The following ZNF148 variants were observed in gnomAD, a reference collection of about 807,000 sequenced individuals.
ZNF148 encodes the protein Beta-Enolase Repressor Factor-1.
In ZNF148, 7 loss-of-function variants were observed where a neutral mutation model predicts 67.7. The observed-to-expected ratio is 0.10, with a 90% confidence interval of 0.06 to 0.19. ZNF148 has a LOEUF of 0.19. ZNF148 is among the 10% of genes least tolerant of loss of function. The pLI is 1.00. For missense variants in ZNF148, 583 were observed against 947.1 expected (o/e 0.62, Z 5.05); for synonymous variants, 333 against 330.7 (o/e 1.01, Z -0.08).
At chr3:125,358,270 G>A (rs1942429204) in intron 1 of ZNF148, among the ~76,000 whole-genome samples, 1 of 151,812 alleles carries the variant, frequency 6.6e-6, no homozygotes, top group Non-Finnish European at 1.5e-5. Flanking sequence ...GCGTGATAAC[G>A]CCACTGCACT....
intron 7 of ZNF148, among the ~76,000 whole-genome samples, chr3:125,250,333 G>A (rs1397935846): frequency 6.6e-6 from 1 of 152,086 alleles, no homozygotes; most frequent in Non-Finnish European, 1.5e-5. Context: ...ATCCTCACCA[G>A]GTGATGAAAG....
intron 4 of ZNF148, among the ~76,000 whole-genome samples, chr3:125,290,681 C>T (rs1938961501): frequency 6.6e-6 from 1 of 151,960 alleles, no homozygotes; most frequent in Non-Finnish European, 1.5e-5. Context: ...GTGCAAAGTG[C>T]CATTCTAGAT....
chr3:125,276,647 T>C (rs1938091388), intron 7 of ZNF148, among the ~76,000 whole-genome samples: 2 of 152,072 alleles, frequency 1.3e-5, no homozygotes, highest in Admixed American at 6.5e-5. Context: ...TTGGTCAGGC[T>C]GGTATCGAAC....
intron 3 of ZNF148, among the ~76,000 whole-genome samples, chr3:125,320,488 C>T (rs537143138): frequency 4.6e-5 from 7 of 152,232 alleles, no homozygotes; most frequent in Admixed American, 1.3e-4. Context: ...AGAGATCCTA[C>T]GTTTCTGTTT....
At chr3:125,298,618 ATTTTTTTTTTTT>A (rs11312460) in intron 4 of ZNF148, among the ~76,000 whole-genome samples, 2 of 102,636 alleles carry the variant, frequency 1.9e-5, no homozygotes, top group African/African-American at 8.5e-5. Flanking sequence ...TTTATATTAA[ATTTTTTTTTTTT>A]TTTTTTTTTT....
chr3:125,363,632 C>A (rs1309827929), intron 1 of ZNF148, among the ~76,000 whole-genome samples: 1 of 151,936 alleles, frequency 6.6e-6, no homozygotes, highest in Non-Finnish European at 1.5e-5. Context: ...TATGACTACC[C>A]AACTTATACC....
chr3:125,273,482 T>G (rs768080838), intron 7 of ZNF148, among the ~76,000 whole-genome samples: 2 of 147,332 alleles, frequency 1.4e-5, no homozygotes, highest in Non-Finnish European at 3.0e-5. Context: ...AAAATCTCTT[T>G]TTTTTGGGAA....
intron 7 of ZNF148, among the ~76,000 whole-genome samples, chr3:125,252,014 T>C (rs1456990984): frequency 6.6e-6 from 1 of 152,222 alleles, no homozygotes; most frequent in Non-Finnish European, 1.5e-5. Context: ...AGTACAGTTT[T>C]ATGTAATTTT....
At chr3:125,370,621 A>G (rs942660077) in intron 1 of ZNF148, among the ~76,000 whole-genome samples, 1 of 152,228 alleles carries the variant, frequency 6.6e-6, no homozygotes, top group Non-Finnish European at 1.5e-5. Flanking sequence ...AAGAGTTGCC[A>G]TTACTTAGAC....
In ZNF148 at chr3:125,233,655, A is replaced by G. The variant is rs748762752; in HGVS notation, c.1071T>C (p.Asp357=). The part of the protein sequence containing the change: ...PLYSSSTKVK[D]EYMVAEYAVE... ...CAGCATATTCTGCAACCATATACTC[A>G]TCTTTTACTTTAGTACTTGAAGAAT... The change falls in exon 9 of 9, where the codon GAT becomes GAC. Residue 357 remains aspartate (D), a synonymous_variant. Transcript: ENST00000360647. The surrounding 1 kb of genome is among the most constrained non-coding windows in gnomAD (Gnocchi z 5.1). The G allele has an allele frequency of 3.7e-6, 6 of 1,613,814 alleles. No homozygotes were observed. In the African/African-American group the frequency reaches 8.0e-5, roughly 22 times the overall value.
At chr3:125,317,660 T>TAGAGAGAGAG (rs66600598) in intron 3 of ZNF148, among the ~76,000 whole-genome samples, 839 of 62,128 alleles carry the variant, frequency 0.014, 11 homozygotes, top group African/African-American at 0.046. Context: ...TATATATATA[T>TAGAGAGAGAG]ATAGAGAGAG....
intron 7 of ZNF148, among the ~76,000 whole-genome samples, chr3:125,240,154 A>T (rs1349999669): frequency 1.3e-5 from 2 of 152,170 alleles, no homozygotes; most frequent in Non-Finnish European, 2.9e-5. Context: ...GCAAAGTGAG[A>T]AGTTATTTTT....
At chr3:125,344,333 C>A in intron 1 of ZNF148, 1 of 545,316 alleles carries the variant, frequency 1.8e-6, no homozygotes, top group South Asian at 1.9e-5. Context: ...AATCTTGTAT[C>A]AAAAGAAGAA....
intron 1 of ZNF148, among the ~76,000 whole-genome samples, chr3:125,334,340 G>C (rs1941406364): frequency 6.6e-6 from 1 of 152,128 alleles, no homozygotes; most frequent in Non-Finnish European, 1.5e-5. Context: ...TCTGTCCAAA[G>C]GCATTCATAA....
Position 125,233,467 on chromosome 3 carries a change from C to T in ZNF148, c.1259G>A (p.Ser420Asn), listed in dbSNP as rs1351852470. ...TTCAAAAGCATACTTTGAAACTTTGCTCTCTTCATATGTGGATAAAGGTGA... is the reference window on the plus strand; with the variant it reads ...TTCAAAAGCATACTTTGAAACTTTGTTCTCTTCATATGTGGATAAAGGTGA... ...TISPLSTYEE[S>N]KVSKYAFELV... The change falls in exon 9 of 9, where the codon AGC (serine) becomes AAC (asparagine). Residue 420 changes from serine (S) to asparagine (N), a missense_variant. This residue lies in a region of ZNF148 where 172 missense variants were observed against 307.7 expected (regional missense o/e 0.56). Transcript: ENST00000360647. The surrounding 1 kb of genome is among the most constrained non-coding windows in gnomAD (Gnocchi z 5.1). The T allele has an allele frequency of 2.5e-6, 4 of 1,613,784 alleles. No individual in the cohort carries two copies. Among genetic ancestry groups the T allele is most frequent in the Non-Finnish European group, 3.4e-6 (4 of 1,179,928 alleles).
intron 7 of ZNF148, among the ~76,000 whole-genome samples, chr3:125,270,995 C>T (rs1186716696): frequency 6.6e-6 from 1 of 151,948 alleles, no homozygotes; most frequent in Non-Finnish European, 1.5e-5. Flanking sequence ...ATTTAAATAC[C>T]TAAATTTGAT....
chr3:125,303,382 C>T (rs1036687125), intron 4 of ZNF148, among the ~76,000 whole-genome samples: 2 of 152,214 alleles, frequency 1.3e-5, no homozygotes, highest in Non-Finnish European at 2.9e-5. Context: ...CTGTTAGGAA[C>T]CCGGCTGCAC....
At chr3:125,316,649 T>G (rs899422381) in intron 3 of ZNF148, among the ~76,000 whole-genome samples, 2 of 152,234 alleles carry the variant, frequency 1.3e-5, no homozygotes, top group Admixed American at 6.5e-5. Context: ...TCTCTTCTTT[T>G]GAGAAATGTC....
chr3:125,361,138 A>T (rs965814136), intron 1 of ZNF148, among the ~76,000 whole-genome samples: 1 of 152,118 alleles, frequency 6.6e-6, no homozygotes, highest in Admixed American at 6.5e-5. Flanking sequence ...CTCTTGCCCA[A>T]TTATTGTGAC....
Sources: gnomAD v4.1 joint callset for allele counts (sites outside exome capture counted in the v4.1 genomes callset) on GRCh38, gnomAD v4.1.1 for gene constraint, gnomAD v4.1.1 regional missense constraint, Gnocchi (gnomAD v3.1) non-coding constraint, MANE v1.5 for transcripts, NCBI Gene and HGNC (gene_info 2026-07-23, HGNC 2026-07-21) for gene names.